The following PRSS56 variants were observed in gnomAD, a reference collection of about 807,000 sequenced individuals.
PRSS56 encodes the protein protease, serine 56.
In PRSS56, 55 loss-of-function variants were observed where a neutral mutation model predicts 66.8. The ratio of observed to expected loss-of-function variants is 0.82; its 90% CI spans 0.66 to 1.03. The LOEUF is 1.03. PRSS56 is among the 50% of genes least tolerant of loss of function. PRSS56 has a pLI of 0.00. For synonymous variants in PRSS56, 409 were observed against 387.9 expected (o/e 1.05, Z -0.64); for missense variants, 869 against 837.2 (o/e 1.04, Z -0.47).
intron 1 of PRSS56, among the ~76,000 whole-genome samples, chr2:232,521,043 T>A (rs1691265247): frequency 6.6e-6 from 1 of 152,216 alleles, no homozygotes; most frequent in Non-Finnish European, 1.5e-5. Context: ...TTCTGCGATG[T>A]CTGTATCTTT....
rs1225145714 is a variant in PRSS56, at chr2:232,524,289, A to C, written c.1352-18A>C. 1.2e-5 allele frequency: 19 copies of C among 1,535,482 alleles called. No homozygotes were observed. Among genetic ancestry groups the C allele is most frequent in the Non-Finnish European group, 1.7e-5 (19 of 1,146,768 alleles). On this transcript the variant is annotated intron_variant, in intron 10 of 12. Coordinates refer to ENST00000617714, the MANE Select transcript of PRSS56 (RefSeq NM_001195129.2). ...ACTTTCTCCGCCGAGGCGGTACCCT[A>C]ACCCTGTGCCTCCCCAGGATCGCGG...
In PRSS56 at chr2:232,521,989, G is replaced by C; in HGVS notation, c.275G>C (p.Arg92Pro). The change falls in exon 4 of 13, where the codon CGT becomes CCT. Residue 92 changes from arginine (R) to proline (P), a missense_variant. Coordinates refer to ENST00000617714, the MANE Select transcript of PRSS56 (RefSeq NM_001195129.2). The part of the protein sequence containing the change: ...PPEPGPCGER[R>P]PSTANVTRAH... ...TTTCTAGGGCCGTGCGGCGAGAGGC[G>C]TCCGAGCACTGCCAATGTGACGCGG... 6.8e-7 allele frequency: 1 copy of C among 1,460,334 alleles called. No individual in the cohort carries two copies. The highest frequency in any genetic ancestry group is 9.0e-7 in the Non-Finnish European group (1 of 1,109,502). The allele number at this position is 1,460,334 out of a possible 1,614,324, so 90.5% of individuals were successfully genotyped here. A position where few individuals can be genotyped will look rare whatever the true frequency, so the allele number is the denominator to read the frequency against.
rs1203469973 is a variant in PRSS56 at position 232,523,730 on chromosome 2, C to T, written c.1013-42C>T. On this transcript the variant is annotated intron_variant, in intron 8 of 12. Transcript: ENST00000617714. Reference sequence around the variant, plus strand: ...GGGGAAGGAGTGAGGGGGCTAGGGCCCCAAACAGAGGGTGAGCTGACCCCT... The same window carrying T: ...GGGGAAGGAGTGAGGGGGCTAGGGCTCCAAACAGAGGGTGAGCTGACCCCT... The T allele has an allele frequency of 2.6e-6, 4 of 1,533,370 alleles. No homozygotes were observed. In the Admixed American group the frequency reaches 7.9e-5, roughly 30 times the overall value. 95.0% of individuals were successfully genotyped at this position (1,533,370 alleles called of 1,614,324 possible). A position where few individuals can be genotyped will look rare whatever the true frequency, so the allele number is the denominator to read the frequency against.
At position 232,524,805 on chromosome 2, in the gene PRSS56, G is replaced by C. The variant is rs1207841910; in HGVS notation, c.1482G>C (p.Leu494=). The C allele has an allele frequency of 6.5e-7, 1 of 1,535,626 alleles. No homozygotes were observed. Among genetic ancestry groups the C allele is most frequent in the South Asian group, 1.2e-5 (1 of 84,018 alleles). ...TGCAGGGGGCCCATGCCTGGATCCT[G>C]CAGGTCCCCTCGGAGCACCTGGCCA... is the stretch of plus-strand genomic sequence containing the variant. ...AALQGAHAWI[L]QVPSEHLAMN... The change falls in exon 12 of 13, where the codon CTG becomes CTC. Residue 494 remains leucine (L), a synonymous_variant. Coordinates refer to ENST00000617714, the MANE Select transcript of PRSS56 (RefSeq NM_001195129.2).
At chr2:232,523,014 G>C in intron 6 of PRSS56, 46 bp from the exon 7 acceptor site, 1 of 1,524,070 alleles carries the variant, frequency 6.6e-7, no homozygotes, top group Admixed American at 2.0e-5. Flanking sequence ...CCCTCAAGGC[G>C]GGGCTCTTGC....
intron 11 of PRSS56, 75 bp from the exon 12 acceptor site, chr2:232,524,663 G>C: frequency 9.5e-7 from 1 of 1,055,722 alleles, no homozygotes; most frequent in Non-Finnish European, 1.4e-6. Context: ...CCATCCTGAG[G>C]TGCTGGTGGG....
At position 232,523,824 on chromosome 2, in the gene PRSS56, C is replaced by T; in HGVS notation, c.1065C>T (p.Pro355=). The T allele has an allele frequency of 2.6e-6, 4 of 1,533,662 alleles. No homozygotes were observed. Among genetic ancestry groups the T allele is most frequent in the Non-Finnish European group, 2.6e-6 (3 of 1,146,460 alleles). The change falls in exon 9 of 13, where the codon CCC becomes CCT. Residue 355 remains proline, a synonymous_variant. Transcript: ENST00000617714. ...GGGAGCTTCTGGCCTGGGACCCCCCCCAGGAGCTGCAGGCAGACGCCGCCC... is the reference window on the plus strand; with the variant it reads ...GGGAGCTTCTGGCCTGGGACCCCCCTCAGGAGCTGCAGGCAGACGCCGCCC... ...SCRELLAWDP[P]QELQADAARL...
Position 232,522,096 on chromosome 2 carries a change from C to A in PRSS56, c.382C>A (p.Pro128Thr). 1 of 1,516,878 alleles carries A rather than the reference C, an allele frequency of 6.6e-7. No individual in the cohort carries two copies. Among genetic ancestry groups the A allele is most frequent in the Non-Finnish European group, 8.8e-7 (1 of 1,139,232 alleles). 94.0% of individuals were successfully genotyped at this position (1,516,878 alleles called of 1,614,324 possible). The change falls in exon 4 of 13, where the codon CCT becomes ACT. Residue 128 changes from proline (P) to threonine (T), a missense_variant. This residue lies in a region of PRSS56 where 315 missense variants were observed against 313.7 expected (regional missense o/e 1.00). Coordinates refer to ENST00000617714, the MANE Select transcript of PRSS56 (RefSeq NM_001195129.2). ...GGTGAGGCTGCAGCTCGGCGGGCAG[C>A]CTCTGTGCGGCGGCGTCCTGGTAGC... ...WLVRLQLGGQ[P>T]LCGGVLVAAS...
chr2:232,521,880 G>C lies in PRSS56; in HGVS notation c.256+14G>C. Reference sequence around the variant, plus strand: ...CACCTGAGCCAGGTGAGGTTGAAAAGGCTCGAGGGGGCAGGCCTGAGAGCC... The same window carrying C: ...CACCTGAGCCAGGTGAGGTTGAAAACGCTCGAGGGGGCAGGCCTGAGAGCC... On this transcript the variant is annotated intron_variant, in intron 3 of 12. Coordinates refer to ENST00000617714, the MANE Select transcript of PRSS56 (RefSeq NM_001195129.2). The C allele has an allele frequency of 1.3e-6, 2 of 1,535,110 alleles. No homozygotes were observed. Among genetic ancestry groups the C allele is most frequent in the Non-Finnish European group, 1.7e-6 (2 of 1,146,266 alleles).
rs1300525649 is a variant in PRSS56, at chr2:232,523,956, T to C, written c.1186+11T>C. 2 of 1,515,618 alleles carry C rather than the reference T, an allele frequency of 1.3e-6. No homozygotes were observed. Among genetic ancestry groups the C allele is most frequent in the African/African-American group, 1.4e-5 (1 of 71,226 alleles). The allele number at this position is 1,515,618 out of a possible 1,614,324, so 93.9% of individuals were successfully genotyped here. A position where few individuals can be genotyped will look rare whatever the true frequency, so the allele number is the denominator to read the frequency against. On this transcript the variant is annotated intron_variant, in intron 9 of 12. Transcript: ENST00000617714. ...GCCGGCGGCGATGCGGTCAGTTCTG[T>C]TCACCCGGACCCGGACGGGGGGCAG... is the stretch of plus-strand genomic sequence containing the variant.
In PRSS56 at chr2:232,524,384, T is replaced by G. The variant is rs1286357777; in HGVS notation, c.1414+15T>G. On this transcript the variant is annotated intron_variant, in intron 11 of 12. Transcript: ENST00000617714. ...AGAAGCCAACGGTAATGACGCCCCC[T>G]GCCGACCTTCAGGAGGGGATAGGCT... The G allele has an allele frequency of 6.5e-7, 1 of 1,533,878 alleles. No homozygotes were observed. The highest frequency in any genetic ancestry group is 8.7e-7 in the Non-Finnish European group (1 of 1,145,956).
rs1384506632 is a variant in PRSS56 at position 232,522,535 on chromosome 2, GGACTGT to G, written c.471_476del (p.Val158_Thr159del). On this transcript the variant is annotated inframe_deletion, in exon 5 of 13. Transcript: ENST00000617714. ...CGCAGCGCCCCGAATGAGCTTCTGT[GGACTGT>G]GACGCTGGCAGAGGGGTCCCGGGGG... is the stretch of plus-strand genomic sequence containing the variant. The G allele has an allele frequency of 6.5e-7, 1 of 1,534,708 alleles. No homozygotes were observed. The highest frequency in any genetic ancestry group is 2.0e-5 in the Admixed American group (1 of 50,966).
rs733602 is a variant in PRSS56, at chr2:232,523,601, C to T, written c.1012+23C>T. ...GCGGTGAGCGCCCTCTTTCCAATGC[C>T]CCGTCCCCAGTGCCCCAACGGACAA... On this transcript the variant is annotated intron_variant, in intron 8 of 12. Transcript: ENST00000617714. 423,961 of 1,508,934 alleles carry T rather than the reference C, an allele frequency of 0.28. 61,949 individuals are homozygous for T. Among genetic ancestry groups the T allele is most frequent in the Admixed American group, 0.4 (19,701 of 48,672 alleles). 93.5% of individuals were successfully genotyped at this position (1,508,934 alleles called of 1,614,324 possible).
chr2:232,521,993 G>C lies in PRSS56; in HGVS notation c.279G>C (p.Pro93=). The stretch of plus-strand genomic sequence containing the variant: ...TAGGGCCGTGCGGCGAGAGGCGTCC[G>C]AGCACTGCCAATGTGACGCGGGCCC... The part of the protein sequence containing the change: ...PEPGPCGERR[P]STANVTRAHG... Residue 93 remains proline (P), a synonymous_variant, in exon 4 of 13, where the codon CCG becomes CCC. Transcript: ENST00000617714. 6.8e-7 allele frequency: 1 copy of C among 1,460,020 alleles called. No homozygotes were observed. Among genetic ancestry groups the C allele is most frequent in the Non-Finnish European group, 9.0e-7 (1 of 1,109,614 alleles). The allele number at this position is 1,460,020 out of a possible 1,614,324, so 90.4% of individuals were successfully genotyped here. A position where few individuals can be genotyped will look rare whatever the true frequency, so the allele number is the denominator to read the frequency against.
At chr2:232,523,383 G>A in intron 7 of PRSS56, 33 bp from the exon 8 acceptor site, 1 of 1,433,334 alleles carries the variant, frequency 7.0e-7, no homozygotes, top group Non-Finnish European at 9.1e-7. Flanking sequence ...TAGGGGGCAG[G>A]TGAATGCAGC....
At chr2:232,521,687 G>A in intron 2 of PRSS56, 129 bp from the exon 3 acceptor site, 1 of 979,758 alleles carries the variant, frequency 1.0e-6, no homozygotes, top group Non-Finnish European at 1.5e-6. Flanking sequence ...CATGGTTGCT[G>A]AAATAGAACC....
Position 232,520,482 on chromosome 2 carries a change from A to G in PRSS56, c.-117A>G. ...GGGTCAGATGATTTGAGGGACAAGA[A>G]TTCAGTGCCCGGGGGCCGAAAGGCA... On this transcript the variant is annotated 5_prime_UTR_variant, in exon 1 of 13. Coordinates refer to ENST00000617714, the MANE Select transcript of PRSS56 (RefSeq NM_001195129.2). The G allele has an allele frequency of 1.2e-6, 1 of 803,074 alleles. No individual in the cohort carries two copies. Among genetic ancestry groups the G allele is most frequent in the Non-Finnish European group, 2.1e-6 (1 of 479,634 alleles). 49.7% of individuals were successfully genotyped at this position (803,074 alleles called of 1,614,324 possible).
Position 232,522,802 on chromosome 2 carries a change from C to A in PRSS56, c.647C>A (p.Pro216His). 2 of 1,503,340 alleles carry A rather than the reference C, an allele frequency of 1.3e-6. No individual in the cohort carries two copies. The highest frequency in any genetic ancestry group is 2.8e-5 in the African/African-American group (2 of 72,364). 93.1% of individuals were successfully genotyped at this position (1,503,340 alleles called of 1,614,324 possible). The change falls in exon 6 of 13, where the codon CCC (proline) becomes CAC (histidine). Residue 216 changes from proline to histidine, a missense_variant. Physicochemically the swap from Pro to His is moderately conservative, Grantham distance 77. This residue lies in a region of PRSS56 where 315 missense variants were observed against 313.7 expected (regional missense o/e 1.00). Coordinates refer to ENST00000617714, the MANE Select transcript of PRSS56 (RefSeq NM_001195129.2). Reference protein sequence around the residue: ...SARPVCLPQEPQEPPAGTACA... With the variant: ...SARPVCLPQEHQEPPAGTACA... ...CGCCCCGTGTGCCTGCCCCAGGAGC[C>A]CCAGGAGCCCCCTGCCGGAACCGCC...
intron 4 of PRSS56, 162 bp from the exon 5 acceptor site, chr2:232,522,353 C>T: frequency 1.2e-6 from 1 of 800,902 alleles, no homozygotes; most frequent in Non-Finnish European, 1.8e-6. Context: ...GGTGGCACGG[C>T]CGGGCGAGTT....
Sources: gnomAD v4.1 joint callset for allele counts (sites outside exome capture counted in the v4.1 genomes callset) on GRCh38, gnomAD v4.1.1 for gene constraint, gnomAD v4.1.1 regional missense constraint, MANE v1.5 for transcripts, NCBI Gene and HGNC (gene_info 2026-07-23, HGNC 2026-07-21) for gene names.